The following ASIC2 variants were observed in gnomAD, a reference collection of about 807,000 sequenced individuals.
ASIC2 encodes the protein acid-sensing ion channel 2.
A neutral mutation model predicts 57.3 loss-of-function variants in ASIC2; 25 were observed. The observed-to-expected ratio is 0.44, with a 90% CI of 0.32 to 0.61. ASIC2 has a LOEUF of 0.61. ASIC2 is among the 20% of genes least tolerant of loss of function. The probability of loss-of-function intolerance (pLI) is 0.06; values close to 1 mark genes in which losing one functional copy is unlikely to be tolerated. For synonymous variants in ASIC2, 319 were observed against 307.5 expected (o/e 1.04, Z -0.39); for missense variants, 641 against 738.1 (o/e 0.87, Z 1.52).
chr17:33,053,789 T>C (rs1434043822), intron 3 of ASIC2, among the ~76,000 whole-genome samples: 1 of 152,182 alleles, frequency 6.6e-6, no homozygotes, highest in Non-Finnish European at 1.5e-5. Flanking sequence ...CTCTTTTTTT[T>C]CCTTTATAAG....
At chr17:34,004,367 C>T (rs1292597375) in intron 1 of ASIC2, 4 of 152,182 alleles carry the variant, frequency 2.6e-5, no homozygotes, top group South Asian at 4.1e-4. Flanking sequence ...AAGAGCCAAA[C>T]CCATAATAGA....
rs535356742 is a variant in ASIC2, at chr17:34,126,228, T to G, written c.555+29750A>C. On this transcript the variant is annotated intron_variant, in intron 1 of 9. Transcript: ENST00000359872. ...ACTGCCTATCAAAGCCTTGATTGGA[T>G]TGTGATGTAAGCAGAAAGGAAGTTT... Among the ~76,000 whole-genome samples the G allele has an allele frequency of 2.0e-5, 3 of 152,134 alleles. No homozygotes were observed. In the East Asian group the frequency reaches 5.8e-4, roughly 29 times the overall value.
At chr17:33,556,493 A>C (rs1256510772) in intron 1 of ASIC2, among the ~76,000 whole-genome samples, 1 of 152,228 alleles carries the variant, frequency 6.6e-6, no homozygotes, top group South Asian at 2.1e-4. Flanking sequence ...CTGGATGACA[A>C]TTATTTACTT....
chr17:33,993,613 G>T (rs183488548), intron 1 of ASIC2, among the ~76,000 whole-genome samples: 12 of 152,270 alleles, frequency 7.9e-5, no homozygotes, highest in African/African-American at 2.4e-4. Context: ...TGAAAATTTG[G>T]CAAGCCACTT....
intron 1 of ASIC2, among the ~76,000 whole-genome samples, chr17:33,769,360 A>G (rs1055364326): frequency 1.3e-5 from 2 of 152,198 alleles, no homozygotes; most frequent in Non-Finnish European, 2.9e-5. Flanking sequence ...AGAGCAGCCA[A>G]CTAGATCCCA....
At chr17:33,610,053 C>T (rs967143987) in intron 1 of ASIC2, among the ~76,000 whole-genome samples, 5 of 131,340 alleles carry the variant, frequency 3.8e-5, no homozygotes, top group African/African-American at 6.1e-5. Flanking sequence ...TGGACAGAGG[C>T]GCACACACAC....
chr17:34,021,401 C>A (rs1907154658), intron 1 of ASIC2, among the ~76,000 whole-genome samples: 1 of 152,210 alleles, frequency 6.6e-6, no homozygotes, highest in Non-Finnish European at 1.5e-5. Flanking sequence ...CTGGCCGATA[C>A]CTGCCTTGGA....
intron 1 of ASIC2, among the ~76,000 whole-genome samples, chr17:33,218,426 G>A (rs1013270701): frequency 2.0e-5 from 3 of 152,176 alleles, no homozygotes; most frequent in African/African-American, 4.8e-5. Flanking sequence ...CCCAGTGCCC[G>A]GCACAGTGGA....
intron 1 of ASIC2, among the ~76,000 whole-genome samples, chr17:33,616,856 T>G (rs1905620935): frequency 6.6e-6 from 1 of 152,142 alleles, no homozygotes; most frequent in Admixed American, 6.5e-5. Context: ...GTGGATATGG[T>G]TTTTGCCAGG....
intron 1 of ASIC2, among the ~76,000 whole-genome samples, chr17:33,298,602 G>A (rs1240633991): frequency 6.6e-6 from 1 of 152,064 alleles, no homozygotes; most frequent in African/African-American, 2.4e-5. Context: ...TAATCCTTTG[G>A]GTATATACCC....
intron 1 of ASIC2, among the ~76,000 whole-genome samples, chr17:33,414,484 C>T (rs1910770391): frequency 6.6e-6 from 1 of 152,150 alleles, no homozygotes; most frequent in Non-Finnish European, 1.5e-5. Flanking sequence ...GGCTAGTTGG[C>T]TGGGCAGTTC....
chr17:33,886,063 C>T (rs1914822464), intron 1 of ASIC2, among the ~76,000 whole-genome samples: 2 of 152,136 alleles, frequency 1.3e-5, no homozygotes, highest in East Asian at 1.9e-4. Context: ...AAAACATAAA[C>T]AGTTATGTTG....
At chr17:33,651,136 C>CA (rs1185726164) in intron 1 of ASIC2, among the ~76,000 whole-genome samples, 1 of 152,108 alleles carries the variant, frequency 6.6e-6, no homozygotes, top group Non-Finnish European at 1.5e-5. Flanking sequence ...GAAACACACA[C>CA]ACACACACAC....
rs906120301 is a variant in ASIC2 at position 33,649,696 on chromosome 17, A to T, written c.555+506282T>A. Among the ~76,000 whole-genome samples the T allele has an allele frequency of 3.9e-5, 6 of 151,968 alleles. No homozygotes were observed. The East Asian group carries it at 1.2e-3, about 29-fold the overall frequency. ...GAATAGACACACATATTAAAGAAACAGAACAAAGAACCAAGAAATTGACCC... is the reference window on the plus strand; with the variant it reads ...GAATAGACACACATATTAAAGAAACTGAACAAAGAACCAAGAAATTGACCC... On this transcript the variant is annotated intron_variant, in intron 1 of 9. Coordinates refer to the ASIC2 transcript ENST00000359872.
intron 1 of ASIC2, chr17:33,580,217 A>G (rs1007394655): frequency 1.3e-5 from 2 of 152,192 alleles, no homozygotes; most frequent in African/African-American, 2.4e-5. Context: ...ATGGATATCA[A>G]TTCCATCTGG....
chr17:33,719,161 T>G (rs1356674984), intron 1 of ASIC2, among the ~76,000 whole-genome samples: 1 of 152,106 alleles, frequency 6.6e-6, no homozygotes, highest in Non-Finnish European at 1.5e-5. Context: ...CAGACCCTTG[T>G]CTGGGTGGGA....
chr17:33,863,945 G>A (rs114120959), intron 1 of ASIC2, among the ~76,000 whole-genome samples: 4,395 of 147,488 alleles, frequency 0.03, 199 homozygotes, highest in African/African-American at 0.11. Flanking sequence ...CTCTTATTGT[G>A]CAGGCTAGAG....
At chr17:33,818,107 A>G (rs778032695) in intron 1 of ASIC2, among the ~76,000 whole-genome samples, 1 of 152,170 alleles carries the variant, frequency 6.6e-6, no homozygotes, top group Non-Finnish European at 1.5e-5. Flanking sequence ...CGCAGCCATA[A>G]AGATCCTCCT....
Position 33,108,610 on chromosome 17 carries a change from C to T in ASIC2, c.859+3307G>A, listed in dbSNP as rs567557690. Among the ~76,000 whole-genome samples the T allele has an allele frequency of 4.1e-4, 62 of 152,338 alleles. No individual in the cohort carries two copies. The Middle Eastern group carries it at 0.017, about 42-fold the overall frequency. On this transcript the variant is annotated intron_variant, in intron 2 of 9. Coordinates refer to ENST00000225823, the MANE Select transcript of ASIC2 (RefSeq NM_183377.2). The stretch of plus-strand genomic sequence containing the variant: ...CAGATGTGTTGGCTTCTCTCTCACC[C>T]GCATGGGACTCACCTCCCACTGGCC...
Sources: gnomAD v4.1 joint callset for allele counts (sites outside exome capture counted in the v4.1 genomes callset) on GRCh38, gnomAD v4.1.1 for gene constraint, MANE v1.5 for transcripts, NCBI Gene and HGNC (gene_info 2026-07-23, HGNC 2026-07-21) for gene names.